Variants in ECE1 observed in about 807,000 individuals in gnomAD.
ECE1 encodes endothelin converting enzyme 1, also known as endothelin-converting enzyme 1.
A neutral mutation model predicts 98.6 loss-of-function variants in ECE1; 35 were observed. The ratio of observed to expected loss-of-function variants is 0.35; its 90% CI spans 0.27 to 0.47. The LOEUF is 0.47. ECE1 is among the 20% of genes least tolerant of loss of function. ECE1 has a pLI of 1.00. For synonymous variants in ECE1, 394 were observed against 407.1 expected (o/e 0.97, Z 0.39); for missense variants, 814 against 1,025.3 (o/e 0.79, Z 2.81).
intron 1 of ECE1, among the ~76,000 whole-genome samples, chr1:21,324,573 C>G (rs1639036116): frequency 2.0e-5 from 3 of 152,192 alleles, no homozygotes; most frequent in South Asian, 2.1e-4. Context: ...CCAGGAGGGG[C>G]TCTCCCCACC....
upstream of ECE1, among the ~76,000 whole-genome samples, chr1:21,291,969 A>AATATAT (rs142312217): frequency 5.7e-4 from 84 of 147,110 alleles, no homozygotes; most frequent in African/African-American, 2.0e-3. Flanking sequence ...ACAAAAAGAA[A>AATATAT]ATATATATAT....
In ECE1 at chr1:21,233,764, G is replaced by T; in HGVS notation, c.1567-103C>A. 2.8e-6 allele frequency: 3 copies of T among 1,072,830 alleles called. No individual in the cohort carries two copies. Among genetic ancestry groups the T allele is most frequent in the Non-Finnish European group, 4.2e-6 (3 of 714,876 alleles). 66.5% of individuals were successfully genotyped at this position (1,072,830 alleles called of 1,614,324 possible). A position where few individuals can be genotyped will look rare whatever the true frequency, so the allele number is the denominator to read the frequency against. On this transcript the variant is annotated intron_variant, in intron 13 of 18. Coordinates refer to ENST00000374893, the MANE Select transcript of ECE1 (RefSeq NM_001397.3). This position sits in a 1 kb window ranked among gnomAD's most constrained non-coding sequence, Gnocchi z 4.0. ...TCATGGTTAAGAGATTAATCTGCAGGCTGGAGACCGGAATGCAGGGCTTGG... is the reference window on the plus strand; with the variant it reads ...TCATGGTTAAGAGATTAATCTGCAGTCTGGAGACCGGAATGCAGGGCTTGG...
Position 21,272,928 on chromosome 1 carries a change from C to T in ECE1, c.281-17G>A, listed in dbSNP as rs1558404496. Reference sequence around the variant, plus strand: ...AGGGGGATCCTGGAAGGGTTAAGGACAAGAGGCCAGTGAAGGGCAGGCAGG... The same window carrying T: ...AGGGGGATCCTGGAAGGGTTAAGGATAAGAGGCCAGTGAAGGGCAGGCAGG... On this transcript the variant is annotated splice_polypyrimidine_tract_variant and intron_variant, in intron 3 of 18. Coordinates refer to ENST00000374893, the MANE Select transcript of ECE1 (RefSeq NM_001397.3). The T allele has an allele frequency of 5.6e-6, 9 of 1,613,912 alleles. No homozygotes were observed. Among genetic ancestry groups the T allele is most frequent in the Non-Finnish European group, 5.9e-6 (7 of 1,179,856 alleles).
At chr1:21,226,003 AC>A (rs1479014846) in intron 16 of ECE1, among the ~76,000 whole-genome samples, 1 of 151,780 alleles carries the variant, frequency 6.6e-6, no homozygotes, top group Non-Finnish European at 1.5e-5. Context: ...CTTATTTTCA[AC>A]ACTGGCTAAG....
At chr1:21,249,886 G>A (rs1194819654) in intron 8 of ECE1, among the ~76,000 whole-genome samples, 1 of 151,300 alleles carries the variant, frequency 6.6e-6, no homozygotes, top group Non-Finnish European at 1.5e-5. Flanking sequence ...TGATTCTCCT[G>A]TCCCAGCCTC....
intron 1 of ECE1, among the ~76,000 whole-genome samples, chr1:21,297,797 A>T (rs1329772328): frequency 6.7e-6 from 1 of 150,318 alleles, no homozygotes; most frequent in Non-Finnish European, 1.5e-5. Flanking sequence ...TCCGCCTCCC[A>T]AAGTGCTGGG....
At chr1:21,262,350 G>C (rs745910816) in intron 4 of ECE1, among the ~76,000 whole-genome samples, 1 of 152,214 alleles carries the variant, frequency 6.6e-6, no homozygotes, top group Non-Finnish European at 1.5e-5. Context: ...GGCGGAAATG[G>C]GGAAGCTGGG....
intron 1 of ECE1, among the ~76,000 whole-genome samples, chr1:21,309,782 CTTT>C (rs1223419250): frequency 1.5e-5 from 2 of 130,138 alleles, no homozygotes; most frequent in Non-Finnish European, 3.2e-5. Flanking sequence ...TTTTTTCTTT[CTTT>C]TTTTTTTTTT....
At chr1:21,295,888 C>A (rs1319296884) in intron 1 of ECE1, among the ~76,000 whole-genome samples, 2 of 152,224 alleles carry the variant, frequency 1.3e-5, no homozygotes, top group Admixed American at 1.3e-4. Context: ...TTTTCACCCT[C>A]AGGTCTCAGT....
intron 1 of ECE1, among the ~76,000 whole-genome samples, chr1:21,324,999 G>T (rs1017201134): frequency 6.6e-6 from 1 of 152,242 alleles, no homozygotes; most frequent in Non-Finnish European, 1.5e-5. Context: ...TTCAATGGAG[G>T]TATCAGAGGT....
Position 21,327,623 on chromosome 1 carries a change from G to A in ECE1, c.3+17753C>T, listed in dbSNP as rs1397709648. On this transcript the variant is annotated intron_variant, in intron 1 of 18. Transcript: ENST00000415912. This position sits in a 1 kb window ranked among gnomAD's most constrained non-coding sequence, Gnocchi z 4.6. ...GGCACAAATGGAGTCTTTTGGTATAGAGGAAAATAAAGCCTCACCTGGTCT... is the reference window on the plus strand; with the variant it reads ...GGCACAAATGGAGTCTTTTGGTATAAAGGAAAATAAAGCCTCACCTGGTCT... 6.6e-6 allele frequency among the ~76,000 whole-genome samples: 1 copy of A among 152,144 alleles called. No homozygotes were observed. Among genetic ancestry groups the A allele is most frequent in the South Asian group, 2.1e-4 (1 of 4,830 alleles).
chr1:21,301,743 T>G (rs917550210), intron 1 of ECE1, among the ~76,000 whole-genome samples: 1 of 148,180 alleles, frequency 6.7e-6, no homozygotes, highest in African/African-American at 2.5e-5. Context: ...GGGGAATTAC[T>G]TGAACCCAGG....
chr1:21,329,035 C>G (rs990041493), intron 1 of ECE1, among the ~76,000 whole-genome samples: 1 of 152,128 alleles, frequency 6.6e-6, no homozygotes, highest in Non-Finnish European at 1.5e-5. Flanking sequence ...ATTCCCCCTA[C>G]CAGGCGATGT....
At chr1:21,227,859 G>T in intron 15 of ECE1, 72 bp downstream of exon 15, 2 of 1,237,490 alleles carry the variant, frequency 1.6e-6, no homozygotes, top group Non-Finnish European at 2.3e-6. Flanking sequence ...GGTGAGACTG[G>T]CTTAGGTCGT....
At chr1:21,229,848 A>ACCAATG (rs1334709748) in intron 14 of ECE1, among the ~76,000 whole-genome samples, 1 of 152,184 alleles carries the variant, frequency 6.6e-6, no homozygotes, top group African/African-American at 2.4e-5. Flanking sequence ...TGCAGGACAG[A>ACCAATG]CCAATGGAAT....
rs780843048 is a variant in ECE1 at position 21,247,246 on chromosome 1, T to C, written c.1138A>G (p.Thr380Ala). 2 of 1,613,874 alleles carry C rather than the reference T, an allele frequency of 1.2e-6. No individual in the cohort carries two copies. Among genetic ancestry groups the C allele is most frequent in the Non-Finnish European group, 1.7e-6 (2 of 1,179,926 alleles). The change falls in exon 9 of 19, where the codon ACT becomes GCT. Residue 380 changes from threonine to alanine, a missense_variant. Around this residue, in one of 3 missense-constraint regions of ECE1, gnomAD observed 452 missense variants for 567.3 expected, o/e 0.80. Coordinates refer to ENST00000374893, the MANE Select transcript of ECE1 (RefSeq NM_001397.3). ...YDKEYLEQIS[T>A]LINTTDRCLL... ...CATCTGTCGGTGGTGTTGATGAGAG[T>C]GGAGATCTGCTCAAGGTATTCCTTG...
In ECE1 at chr1:21,235,570, A is replaced by G. The variant is rs1216394828; in HGVS notation, c.1566+280T>C. ...TCCCACATATTAAATGGAGCTGACC[A>G]CTTCCAGGGGGCACACAGCACGGGT... On this transcript the variant is annotated intron_variant, in intron 13 of 18. Transcript: ENST00000374893. This position sits in a 1 kb window ranked among gnomAD's most constrained non-coding sequence, Gnocchi z 4.2. 6.6e-6 allele frequency among the ~76,000 whole-genome samples: 1 copy of G among 152,180 alleles called. No individual in the cohort carries two copies. Among genetic ancestry groups the G allele is most frequent in the Non-Finnish European group, 1.5e-5 (1 of 68,022 alleles).
chr1:21,336,805 T>C (rs1028869470), intron 1 of ECE1, among the ~76,000 whole-genome samples: 2 of 152,146 alleles, frequency 1.3e-5, no homozygotes, highest in Non-Finnish European at 2.9e-5. Context: ...ATCGCGCCAC[T>C]GCACTCCAGC....
intron 11 of ECE1, among the ~76,000 whole-genome samples, chr1:21,237,648 G>A (rs138808436): frequency 2.0e-5 from 3 of 152,180 alleles, no homozygotes; most frequent in Admixed American, 6.5e-5. Flanking sequence ...GAATGCCCCC[G>A]TCTCCACATT....
Sources: allele counts gnomAD v4.1 joint callset (sites outside exome capture counted in the v4.1 genomes callset), GRCh38; gene constraint gnomAD v4.1.1; regional missense constraint gnomAD v4.1.1; non-coding constraint Gnocchi (gnomAD v3.1); transcripts MANE v1.5; gene names NCBI Gene and HGNC (gene_info 2026-07-23, HGNC 2026-07-21).